The following EIF2AK3 variants were observed in gnomAD, a reference collection of about 807,000 sequenced individuals.
EIF2AK3 encodes eukaryotic translation initiation factor 2-alpha kinase 3.
Under a neutral mutation model 113.5 loss-of-function variants are expected in EIF2AK3, and 50 were observed. That is an observed-to-expected ratio of 0.44 (90% CI 0.35 to 0.56). EIF2AK3 has a LOEUF of 0.56. EIF2AK3 is among the 20% of genes least tolerant of loss of function. EIF2AK3 has a pLI of 0.00. For missense variants in EIF2AK3, 1,185 were observed against 1,378.0 expected (o/e 0.86, Z 2.22); for synonymous variants, 448 against 495.4 (o/e 0.90, Z 1.27).
chr2:88,594,994 G>A (rs886825299), intron 3 of EIF2AK3, among the ~76,000 whole-genome samples: 2 of 151,874 alleles, frequency 1.3e-5, no homozygotes, highest in Admixed American at 6.6e-5. Flanking sequence ...AGAAGCTGGA[G>A]ACCAGCCTGG....
chr2:88,611,866 G>A (rs572030953), intron 2 of EIF2AK3, among the ~76,000 whole-genome samples: 10 of 152,026 alleles, frequency 6.6e-5, no homozygotes, highest in East Asian at 1.9e-4. Context: ...CTTGTGATCC[G>A]CCCGCCTCAG....
intron 10 of EIF2AK3, among the ~76,000 whole-genome samples, chr2:88,582,311 T>A (rs934764758): frequency 6.6e-6 from 1 of 152,182 alleles, no homozygotes; most frequent in Non-Finnish European, 1.5e-5. Context: ...ATGAGATCCC[T>A]TAGGGATCTC....
intron 2 of EIF2AK3, among the ~76,000 whole-genome samples, chr2:88,598,023 G>A (rs1675059647): frequency 1.3e-5 from 2 of 152,036 alleles, no homozygotes; most frequent in South Asian, 2.1e-4. Context: ...TGTGAGATGA[G>A]CCTTTACCAT....
At chr2:88,581,499 G>C (rs960280579) in intron 10 of EIF2AK3, among the ~76,000 whole-genome samples, 1 of 152,022 alleles carries the variant, frequency 6.6e-6, no homozygotes, top group Non-Finnish European at 1.5e-5. Flanking sequence ...CTTCTTACAT[G>C]CTTGTTTTAC....
At chr2:88,569,366 T>A (rs1674230844) in intron 14 of EIF2AK3, among the ~76,000 whole-genome samples, 2 of 151,624 alleles carry the variant, frequency 1.3e-5, no homozygotes, top group East Asian at 3.9e-4. Flanking sequence ...ATTTTTTTTT[T>A]AAAGAGAAAA....
intron 11 of EIF2AK3, among the ~76,000 whole-genome samples, chr2:88,577,400 G>A (rs937898489): frequency 1.3e-5 from 2 of 151,008 alleles, no homozygotes; most frequent in Non-Finnish European, 2.9e-5. Context: ...TCTACTGCAC[G>A]TACAAATAAA....
rs757246219 is a variant in EIF2AK3, at chr2:88,590,882, G to A, written c.938C>T (p.Ser313Leu). 1.6e-5 allele frequency: 26 copies of A among 1,613,892 alleles called. No homozygotes were observed. The highest frequency in any genetic ancestry group is 3.3e-5 in the South Asian group (3 of 91,086). Residue 313 changes from serine (S) to leucine (L), a missense_variant, in exon 5 of 17, where the codon TCG becomes TTG. This residue lies in a region of EIF2AK3 where 877 missense variants were observed against 1,024.2 expected (regional missense o/e 0.86). Coordinates refer to ENST00000303236, the MANE Select transcript of EIF2AK3 (RefSeq NM_004836.7). ...TGCCATAACTTTCCAGTCAGCAACC[G>A]AAACCTTTATCACTATGTCCATTAT... is the stretch of plus-strand genomic sequence containing the variant. ...AAIMDIVIKV[S>L]VADWKVMAFS...
At chr2:88,627,959 A>G (rs1184448385), upstream of EIF2AK3, 1 of 152,360 alleles carries the variant, frequency 6.6e-6, no homozygotes, top group Non-Finnish European at 1.5e-5. Flanking sequence ...ACCTTAAAGG[A>G]GCTGGTATTG....
rs150229288 is a variant in EIF2AK3, at chr2:88,606,445, C to A, written c.438+7279G>T. Reference sequence around the variant, plus strand: ...AATATAACAAAATTAAATTAAAGCACTGTTTCATTTCTATAATTAAAAGAA... The same window carrying A: ...AATATAACAAAATTAAATTAAAGCAATGTTTCATTTCTATAATTAAAAGAA... On this transcript the variant is annotated intron_variant, in intron 2 of 16. Coordinates refer to ENST00000303236, the MANE Select transcript of EIF2AK3 (RefSeq NM_004836.7). Among the ~76,000 whole-genome samples the A allele has an allele frequency of 2.6e-3, 393 of 152,284 alleles. 1 individual carries two copies. The highest frequency in any genetic ancestry group is 9.1e-3 in the African/African-American group (380 of 41,566).
chr2:88,627,477 GC>G (rs1255754095), upstream of EIF2AK3: 6 of 566,848 alleles, frequency 1.1e-5, no homozygotes, highest in East Asian at 1.8e-4. Flanking sequence ...CTCGGACATC[GC>G]CCATTGAGCA....
At chr2:88,625,689 T>C (rs1281203307) in intron 1 of EIF2AK3, among the ~76,000 whole-genome samples, 1 of 152,238 alleles carries the variant, frequency 6.6e-6, no homozygotes, top group East Asian at 1.9e-4. Context: ...TAAGTACCTG[T>C]TGAAGTGGAT....
At chr2:88,627,609 C>A (rs1479517123), upstream of EIF2AK3, 1 of 282,602 alleles carries the variant, frequency 3.5e-6, no homozygotes, top group Non-Finnish European at 6.6e-6. Context: ...CCAATCAAAT[C>A]GTAATTTCGT....
At chr2:88,578,077 T>TA (rs1674507676) in intron 11 of EIF2AK3, among the ~76,000 whole-genome samples, 1 of 152,198 alleles carries the variant, frequency 6.6e-6, no homozygotes, top group South Asian at 2.1e-4. Flanking sequence ...TTTTATCACT[T>TA]ATGTAGTGCC....
At chr2:88,584,075 T>C in intron 9 of EIF2AK3, among the ~76,000 whole-genome samples, 1 of 152,196 alleles carries the variant, frequency 6.6e-6, no homozygotes, top group South Asian at 2.1e-4. Flanking sequence ...TTAATAATTA[T>C]CATGGTCAAA....
At chr2:88,567,008 T>C (rs183235690) in intron 14 of EIF2AK3, among the ~76,000 whole-genome samples, 1 of 152,160 alleles carries the variant, frequency 6.6e-6, no homozygotes, top group Admixed American at 6.5e-5. Context: ...ACAGACAAAA[T>C]TATAAAAATC....
In EIF2AK3 at chr2:88,595,545, TAAG is replaced by T. The variant is rs1235028949; in HGVS notation, c.554_556del (p.Ser185del). 1 of 1,614,080 alleles carries T rather than the reference TAAG, an allele frequency of 6.2e-7. No homozygotes were observed. Among genetic ancestry groups the T allele is most frequent in the Non-Finnish European group, 8.5e-7 (1 of 1,179,974 alleles). On this transcript the variant is annotated inframe_deletion, in exon 3 of 17. Coordinates refer to ENST00000303236, the MANE Select transcript of EIF2AK3 (RefSeq NM_004836.7). ...CAAAACAACATCATCTCCAAATTTA[TAAG>T]AAGATTCAAGAAGTGATTCAACTGT...
chr2:88,562,930 C>G (rs1349544005), intron 14 of EIF2AK3, among the ~76,000 whole-genome samples: 1 of 152,180 alleles, frequency 6.6e-6, no homozygotes, highest in Non-Finnish European at 1.5e-5. Context: ...ATTATCAAGT[C>G]CTGGAGGAAG....
chr2:88,559,629 A>G (rs1673888554), intron 15 of EIF2AK3, among the ~76,000 whole-genome samples: 1 of 151,934 alleles, frequency 6.6e-6, no homozygotes. Context: ...AAAGGGCCAT[A>G]TTAAAGCACA....
rs758759825 is a variant in EIF2AK3 at position 88,570,941 on chromosome 2, G to A, written c.2918C>T (p.Thr973Ile). 8.1e-6 allele frequency: 13 copies of A among 1,614,006 alleles called. No homozygotes were observed. The highest frequency in any genetic ancestry group is 3.3e-5 in the Admixed American group (2 of 59,990). Residue 973 changes from threonine (T) to isoleucine (I), a missense_variant, in exon 14 of 17, where the codon ACC (threonine) becomes ATC (isoleucine). Thr to Ile is a moderately conservative substitution (Grantham distance 89). Coordinates refer to ENST00000303236, the MANE Select transcript of EIF2AK3 (RefSeq NM_004836.7). ...DQDEEEQTVL[T>I]PMPAYARHTG... ...GTGTCTGGCATAAGCTGGCATTGGG[G>A]TCAGAACCGTCTGCTCTTCCTCATC... is the stretch of plus-strand genomic sequence containing the variant.
Sources: gnomAD v4.1 joint callset for allele counts (sites outside exome capture counted in the v4.1 genomes callset) on GRCh38, gnomAD v4.1.1 for gene constraint, gnomAD v4.1.1 regional missense constraint, MANE v1.5 for transcripts, NCBI Gene and HGNC (gene_info 2026-07-23, HGNC 2026-07-21) for gene names.